The following SMARCAD1 variants were observed in gnomAD, a reference collection of about 807,000 sequenced individuals.
SMARCAD1 encodes SWI/SNF-related matrix-associated actin-dependent regulator of chromatin subfamily A containing DEAD/H box 1.
A neutral mutation model predicts 127.1 loss-of-function variants in SMARCAD1; 25 were observed. The observed-to-expected ratio is 0.20, with a 90% CI of 0.14 to 0.27. The LOEUF (loss-of-function observed/expected upper bound fraction) is 0.27, where lower values mean the gene tolerates loss of function less well. SMARCAD1 is among the 10% of genes least tolerant of loss of function. The pLI is 1.00. For missense variants in SMARCAD1, 807 were observed against 1,206.0 expected (o/e 0.67, Z 4.90); for synonymous variants, 400 against 396.9 (o/e 1.01, Z -0.09).
At chr4:94,212,725 T>A (rs9307136) in intron 2 of SMARCAD1, among the ~76,000 whole-genome samples, 71,103 of 151,784 alleles carry the variant, frequency 0.47, 16,939 homozygotes, top group East Asian at 0.72. Context: ...GACTTCAGGC[T>A]ATCTGCCTGC....
chr4:94,229,044 C>T (rs1240175315), intron 3 of SMARCAD1, among the ~76,000 whole-genome samples: 5 of 152,066 alleles, frequency 3.3e-5, no homozygotes, highest in African/African-American at 7.2e-5. Flanking sequence ...AGGCATGTGT[C>T]AGGAGACACA....
chr4:94,253,221 A>C (rs1749542653), intron 9 of SMARCAD1: 1 of 1,507,702 alleles, frequency 6.6e-7, no homozygotes, highest in Admixed American at 2.0e-5. Flanking sequence ...TCCTGAAAAA[A>C]CCCAAGCTGA....
rs534129698 is a variant in SMARCAD1, at chr4:94,284,232, C to G, written c.2910-728C>G. 2.3e-4 allele frequency among the ~76,000 whole-genome samples: 32 copies of G among 137,732 alleles called. 1 individual carries two copies. Among genetic ancestry groups the G allele is most frequent in the African/African-American group, 8.9e-4 (32 of 35,852 alleles). The allele number at this position is 137,732 out of a possible 152,430, so 90.4% of individuals were successfully genotyped here. ...GTCCCAGCTACTCGGGAAGCTGAGG[C>G]AGGAGAATGACGTGAAGCCGGGAGG... On this transcript the variant is annotated intron_variant, in intron 22 of 23. Transcript: ENST00000354268.
At chr4:94,265,783 A>T (rs897447727) in intron 10 of SMARCAD1, among the ~76,000 whole-genome samples, 3 of 152,060 alleles carry the variant, frequency 2.0e-5, no homozygotes, top group Non-Finnish European at 2.9e-5. Flanking sequence ...AATAATTGAA[A>T]TGAATTATGG....
chr4:94,269,664 CTGTTGT>C (rs200454016), intron 10 of SMARCAD1, among the ~76,000 whole-genome samples: 2 of 151,326 alleles, frequency 1.3e-5, no homozygotes, highest in Non-Finnish European at 2.9e-5. Flanking sequence ...TGTTTTCATT[CTGTTGT>C]TGTTGTTGTT....
At chr4:94,235,776 G>A (rs1307158953) in intron 4 of SMARCAD1, among the ~76,000 whole-genome samples, 1 of 151,296 alleles carries the variant, frequency 6.6e-6, no homozygotes, top group East Asian at 1.9e-4. Context: ...CCAAATCTCA[G>A]TTTAAAAATA....
In SMARCAD1 at chr4:94,235,697, T is replaced by C. The variant is rs184161927; in HGVS notation, c.538-1255T>C. Among the ~76,000 whole-genome samples the C allele has an allele frequency of 9.9e-5, 15 of 151,840 alleles. No individual in the cohort carries two copies. The East Asian group carries it at 2.9e-3, about 29-fold the overall frequency. On this transcript the variant is annotated intron_variant, in intron 4 of 23. Coordinates refer to ENST00000354268, the MANE Select transcript of SMARCAD1 (RefSeq NM_020159.5). ...TGTAGACATGAGGGCTAAAGTATTT[T>C]AAAGCAGTAATAAGGAAAGAGCTTC...
At chr4:94,265,993 T>G (rs1047655368) in intron 10 of SMARCAD1, among the ~76,000 whole-genome samples, 1 of 151,874 alleles carries the variant, frequency 6.6e-6, no homozygotes. Context: ...AAAATCAAGG[T>G]ATGGAAAAAA....
intron 6 of SMARCAD1, among the ~76,000 whole-genome samples, chr4:94,241,960 G>A (rs1314930040): frequency 3.9e-5 from 6 of 152,086 alleles, no homozygotes; most frequent in Non-Finnish European, 8.8e-5. Flanking sequence ...TCTCTGCCAC[G>A]TGTGCACCCT....
chr4:94,259,997 T>A (rs1241303179), intron 9 of SMARCAD1, among the ~76,000 whole-genome samples: 3 of 152,200 alleles, frequency 2.0e-5, no homozygotes, highest in African/African-American at 7.2e-5. Context: ...TAAGATTGCT[T>A]GATAGGTCTT....
rs1749468658 is a variant in SMARCAD1, at chr4:94,252,720, T to G, written c.994T>G (p.Phe332Val). The change falls in exon 9 of 24, where the codon TTT (phenylalanine) becomes GTT (valine). Residue 332 changes from phenylalanine to valine, a missense_variant. Coordinates refer to ENST00000354268, the MANE Select transcript of SMARCAD1 (RefSeq NM_020159.5). ...NATKTKLKQKFSMKAQNGFNK... is the reference protein window; with the variant it reads ...NATKTKLKQKVSMKAQNGFNK... ...AACTAAAACAAAACTAAAACAGAAA[T>G]TTTCAATGAAAGCACAAAATGGCTT... 3 of 1,595,128 alleles carry G rather than the reference T, an allele frequency of 1.9e-6. No homozygotes were observed. The highest frequency in any genetic ancestry group is 1.4e-5 in the African/African-American group (1 of 73,894).
chr4:94,213,730 T>C (rs1742673656), intron 2 of SMARCAD1, among the ~76,000 whole-genome samples: 1 of 152,188 alleles, frequency 6.6e-6, no homozygotes, highest in Admixed American at 6.5e-5. Context: ...TGTTCCTTGC[T>C]TGGACAGCTG....
chr4:94,233,198 G>C (rs1182275792), intron 3 of SMARCAD1, among the ~76,000 whole-genome samples: 1 of 152,150 alleles, frequency 6.6e-6, no homozygotes, highest in Non-Finnish European at 1.5e-5. Flanking sequence ...CCTAAGTATA[G>C]TCCCATCTTG....
intron 6 of SMARCAD1, among the ~76,000 whole-genome samples, chr4:94,242,042 G>GTT (rs1484575760): frequency 6.6e-6 from 1 of 150,880 alleles, no homozygotes; most frequent in Admixed American, 6.6e-5. Flanking sequence ...TTTTTGTTTT[G>GTT]TTTTGCTTTT....
intron 2 of SMARCAD1, among the ~76,000 whole-genome samples, chr4:94,223,366 G>A (rs941635562): frequency 1.3e-5 from 2 of 151,620 alleles, no homozygotes; most frequent in Non-Finnish European, 2.9e-5. Context: ...GGTGGTGGGC[G>A]CCTGTAGTCT....
chr4:94,285,113 C>A lies in SMARCAD1; in HGVS notation c.3019+44C>A, dbSNP rs182582601. 4.4e-3 allele frequency: 5,379 copies of A among 1,217,138 alleles called. 282 individuals are homozygous for A. In the Admixed American group the frequency reaches 0.085, roughly 19 times the overall value. 75.4% of individuals were successfully genotyped at this position (1,217,138 alleles called of 1,614,324 possible). On this transcript the variant is annotated intron_variant, in intron 23 of 23. Transcript: ENST00000354268. ...GAAACTTCAATATTTATCTATATGA[C>A]CATGCATCTAATTAGTCAGTGCAAG...
chr4:94,261,639 G>A (rs1463011928), intron 9 of SMARCAD1, among the ~76,000 whole-genome samples: 1 of 152,126 alleles, frequency 6.6e-6, no homozygotes, highest in African/African-American at 2.4e-5. Flanking sequence ...TTGAGACGGG[G>A]TCTCACTCTA....
At chr4:94,283,660 T>C (rs999945311) in intron 22 of SMARCAD1, among the ~76,000 whole-genome samples, 7 of 151,340 alleles carry the variant, frequency 4.6e-5, no homozygotes, top group Non-Finnish European at 8.9e-5. Context: ...CCCGTCTCTA[T>C]TAAAAATACA....
chr4:94,254,665 T>TA (rs1479151389), intron 9 of SMARCAD1, among the ~76,000 whole-genome samples: 7 of 152,158 alleles, frequency 4.6e-5, no homozygotes, highest in African/African-American at 1.7e-4. Context: ...AAGACTATAT[T>TA]GTTTGTTCTA....
Sources: allele counts gnomAD v4.1 joint callset (sites outside exome capture counted in the v4.1 genomes callset), GRCh38; gene constraint gnomAD v4.1.1; transcripts MANE v1.5; gene names NCBI Gene and HGNC (gene_info 2026-07-23, HGNC 2026-07-21).